Variants in MPPED2 observed in about 807,000 individuals in gnomAD.
The protein encoded by MPPED2 is metallophosphoesterase domain containing 2.
In MPPED2, 5 loss-of-function variants were observed where a neutral mutation model predicts 33.0. The observed-to-expected ratio is 0.15, with a 90% CI of 0.08 to 0.32. The LOEUF is 0.32. Ranked by LOEUF, MPPED2 falls within the 10% of genes least tolerant of loss-of-function variation. The pLI, the probability that MPPED2 is intolerant of heterozygous loss-of-function variation, is 1.00. For missense variants in MPPED2, 275 were observed against 372.1 expected, an observed-to-expected ratio of 0.74 and a Z score of 2.15; for synonymous variants, 136 against 141.9, an observed-to-expected ratio of 0.96 and a Z score of 0.29.
intron 4 of MPPED2, among the ~76,000 whole-genome samples, chr11:30,486,321 A>T (rs1951740453): frequency 6.6e-6 from 1 of 150,914 alleles, no homozygotes; most frequent in East Asian, 2.0e-4. Flanking sequence ...GTACAAAATA[A>T]GTAATCAGTG....
chr11:30,533,806 G>A (rs1364726711), intron 3 of MPPED2, among the ~76,000 whole-genome samples: 2 of 152,192 alleles, frequency 1.3e-5, no homozygotes, highest in East Asian at 3.8e-4. Context: ...CACTGACCAT[G>A]CAGCTGTGCC....
At chr11:30,467,862 G>C (rs748809304) in intron 4 of MPPED2, among the ~76,000 whole-genome samples, 36 of 152,118 alleles carry the variant, frequency 2.4e-4, no homozygotes, top group Non-Finnish European at 4.6e-4. Flanking sequence ...GGAACTGTTG[G>C]GGGTAGGAGG....
intron 4 of MPPED2, among the ~76,000 whole-genome samples, chr11:30,457,255 C>T (rs558908929): frequency 3.9e-5 from 6 of 152,122 alleles, no homozygotes; most frequent in African/African-American, 1.4e-4. Context: ...GTTTCCTGCC[C>T]TGGTCTGTGA....
At chr11:30,560,277 T>C in intron 2 of MPPED2, among the ~76,000 whole-genome samples, 2 of 151,996 alleles carry the variant, frequency 1.3e-5, no homozygotes, top group East Asian at 3.9e-4. Flanking sequence ...TATTTCATAG[T>C]AGTTGCTTAA....
At chr11:30,456,551 C>CGTGT (rs140981878) in intron 4 of MPPED2, among the ~76,000 whole-genome samples, 1 of 150,948 alleles carries the variant, frequency 6.6e-6, no homozygotes, top group Admixed American at 6.6e-5. Context: ...TGTGTGTGTG[C>CGTGT]GTGTGTGTGT....
At chr11:30,443,307 T>C (rs1248212587) in intron 4 of MPPED2, among the ~76,000 whole-genome samples, 3 of 152,190 alleles carry the variant, frequency 2.0e-5, no homozygotes, top group African/African-American at 7.2e-5. Flanking sequence ...TGTCAGAGCT[T>C]ATTATTATTA....
chr11:30,391,126 A>G (rs1947768647), intron 6 of MPPED2, among the ~76,000 whole-genome samples: 1 of 152,188 alleles, frequency 6.6e-6, no homozygotes, highest in South Asian at 2.1e-4. Context: ...CCAGAAGTGA[A>G]GAGATGGAAC....
At chr11:30,536,291 G>A in intron 2 of MPPED2, 116 bp from the exon 3 acceptor site, 1 of 869,696 alleles carries the variant, frequency 1.1e-6, no homozygotes, top group Non-Finnish European at 1.6e-6. Flanking sequence ...CTGACGCAAA[G>A]GCAGAAGGGC....
chr11:30,510,159 C>G (rs968119019), intron 3 of MPPED2, among the ~76,000 whole-genome samples: 1 of 152,068 alleles, frequency 6.6e-6, no homozygotes, highest in Non-Finnish European at 1.5e-5. Flanking sequence ...TTAAGATACT[C>G]TTTTGTTTTT....
At chr11:30,407,921 A>AT (rs912836054), downstream of MPPED2, among the ~76,000 whole-genome samples, 8 of 152,106 alleles carry the variant, frequency 5.3e-5, no homozygotes, top group East Asian at 3.9e-4. Flanking sequence ...AATTAAATAT[A>AT]TTTTTTTAAA....
chr11:30,545,410 G>C (rs1009260426), intron 2 of MPPED2, among the ~76,000 whole-genome samples: 1 of 152,134 alleles, frequency 6.6e-6, no homozygotes, highest in African/African-American at 2.4e-5. Context: ...AATGTCTACT[G>C]TAAGGGAGAA....
At chr11:30,583,134 CTTTTTTTTTTTTTTTTTTTTTT>C (rs199611856) in intron 1 of MPPED2, among the ~76,000 whole-genome samples, 2 of 96,712 alleles carry the variant, frequency 2.1e-5, no homozygotes, top group Admixed American at 9.9e-5. Flanking sequence ...AAGACTTTTT[CTTTTTTTTTTTTTTTTTTTTTT>C]TTTTTTTTTG....
chr11:30,519,470 T>C (rs1265001929), intron 3 of MPPED2, among the ~76,000 whole-genome samples: 1 of 151,730 alleles, frequency 6.6e-6, no homozygotes, highest in East Asian at 2.0e-4. Flanking sequence ...GTGGTAGTGG[T>C]AGTAATAGTA....
intron 3 of MPPED2, among the ~76,000 whole-genome samples, chr11:30,500,973 TC>T (rs113432072): frequency 1.4e-4 from 21 of 152,322 alleles, no homozygotes; most frequent in African/African-American, 5.1e-4. Flanking sequence ...GCATGAAGTG[TC>T]CTGTTCCTTC....
At chr11:30,520,842 A>G (rs1715444220) in intron 3 of MPPED2, among the ~76,000 whole-genome samples, 1 of 152,196 alleles carries the variant, frequency 6.6e-6, no homozygotes, top group South Asian at 2.1e-4. Context: ...ACTGTACAAG[A>G]AGAGTAGCAG....
intron 3 of MPPED2, among the ~76,000 whole-genome samples, chr11:30,512,571 C>T (rs149952333): frequency 2.0e-5 from 3 of 152,242 alleles, no homozygotes; most frequent in African/African-American, 7.2e-5. Flanking sequence ...ATTTCTAGCC[C>T]CTCAGGGCCC....
chr11:30,580,827 A>C (rs1247249348), intron 1 of MPPED2, among the ~76,000 whole-genome samples: 1 of 152,236 alleles, frequency 6.6e-6, no homozygotes, highest in Non-Finnish European at 1.5e-5. Context: ...TTTGTGCTCC[A>C]AGTGAAGAAT....
intron 4 of MPPED2, among the ~76,000 whole-genome samples, chr11:30,432,142 A>G (rs1232224967): frequency 4.7e-5 from 7 of 150,086 alleles, no homozygotes; most frequent in South Asian, 2.2e-4. Context: ...GCCCTCCAGC[A>G]TGGGGGATAG....
At chr11:30,491,239 A>G (rs1195610480) in intron 4 of MPPED2, among the ~76,000 whole-genome samples, 1 of 152,238 alleles carries the variant, frequency 6.6e-6, no homozygotes, top group East Asian at 1.9e-4. Flanking sequence ...ACATTAAAGG[A>G]ATTCAAGCAT....
Sources: allele counts gnomAD v4.1 joint callset (sites outside exome capture counted in the v4.1 genomes callset), GRCh38; gene constraint gnomAD v4.1.1; transcripts MANE v1.5; gene names NCBI Gene and HGNC (gene_info 2026-07-23, HGNC 2026-07-21).